The following CSE1L variants were observed in gnomAD, a reference collection of about 807,000 sequenced individuals.
The protein encoded by CSE1L is exportin-2.
Under a neutral mutation model 120.4 loss-of-function variants are expected in CSE1L, and 24 were observed. The ratio of observed to expected loss-of-function variants is 0.20; its 90% CI spans 0.14 to 0.28. The LOEUF (loss-of-function observed/expected upper bound fraction) is 0.28, where lower values mean the gene tolerates loss of function less well. Among genes scored for constraint, CSE1L ranks in the 10% least tolerant of loss-of-function variants. The pLI is 1.00. For missense variants in CSE1L, 830 were observed against 1,145.2 expected (o/e 0.72, Z 3.97); for synonymous variants, 402 against 398.3 (o/e 1.01, Z -0.11).
chr20:49,068,030 C>T (rs1378104380), intron 6 of CSE1L, among the ~76,000 whole-genome samples: 1 of 143,134 alleles, frequency 7.0e-6, no homozygotes, highest in Non-Finnish European at 1.5e-5. Flanking sequence ...ACTGGGATTA[C>T]AGCCTGTGCC....
intron 3 of CSE1L, among the ~76,000 whole-genome samples, chr20:49,064,246 T>C (rs773826768): frequency 1.1e-4 from 16 of 152,274 alleles, no homozygotes; most frequent in East Asian, 1.9e-4. Flanking sequence ...ATAGCAGTTA[T>C]GATGTTACAA....
At chr20:49,055,073 A>AT (rs1027951324) in intron 1 of CSE1L, among the ~76,000 whole-genome samples, 2 of 152,052 alleles carry the variant, frequency 1.3e-5, no homozygotes, top group African/African-American at 2.4e-5. Context: ...AGAATTTGGG[A>AT]TTTTTTTTGG....
chr20:49,071,982 A>AAAG (rs1383582745), intron 8 of CSE1L, among the ~76,000 whole-genome samples: 1 of 151,440 alleles, frequency 6.6e-6, no homozygotes, highest in African/African-American at 2.4e-5. Flanking sequence ...AAAAAAAAAA[A>AAAG]AAACCACTCC....
At chr20:49,070,330 T>C in intron 8 of CSE1L, 33 bp downstream of exon 8, 1 of 1,013,394 alleles carries the variant, frequency 9.9e-7, no homozygotes, top group Non-Finnish European at 1.5e-6. Flanking sequence ...GAGTGGTCTT[T>C]TTCTTTCATT....
intron 6 of CSE1L, among the ~76,000 whole-genome samples, chr20:49,068,258 T>C (rs1017895978): frequency 1.3e-5 from 2 of 152,112 alleles, no homozygotes; most frequent in Non-Finnish European, 2.9e-5. Context: ...ATACATACTT[T>C]AACCTATTTT....
At chr20:49,095,642 AT>A (rs2092133735) in intron 24 of CSE1L, among the ~76,000 whole-genome samples, 1 of 152,012 alleles carries the variant, frequency 6.6e-6, no homozygotes, top group African/African-American at 2.4e-5. Context: ...ATACTCAGAA[AT>A]TAATAGATCA....
chr20:49,084,487 A>G (rs2075677), intron 15 of CSE1L, among the ~76,000 whole-genome samples: 32,803 of 152,084 alleles, frequency 0.22, 3,667 homozygotes, highest in Non-Finnish European at 0.24. Flanking sequence ...AAAGAGGGAA[A>G]CTTGGGAAGT....
chr20:49,083,267 C>A (rs1442416255), intron 14 of CSE1L, among the ~76,000 whole-genome samples: 1 of 152,178 alleles, frequency 6.6e-6, no homozygotes, highest in Non-Finnish European at 1.5e-5. Flanking sequence ...GATCTACCCA[C>A]CTCGGCCTCC....
In CSE1L at chr20:49,058,469, A is replaced by C. The variant is rs752585427; in HGVS notation, c.6A>C (p.Glu2Asp). Residue 2 changes from glutamate (E) to aspartate (D), a missense_variant, in exon 2 of 25, where the codon GAA (glutamate) becomes GAC (aspartate). Physicochemically the swap from Glu to Asp is conservative, Grantham distance 45. Coordinates refer to ENST00000262982, the MANE Select transcript of CSE1L (RefSeq NM_001316.4). The part of the protein sequence containing the change: M[E>D]LSDANLQTLT... ...ATATTTTAGATCCTATAGCAATGGA[A>C]CTCAGCGATGCAAATCTGCAAACAC... The C allele has an allele frequency of 1.9e-6, 3 of 1,612,496 alleles. No homozygotes were observed. The South Asian group carries it at 3.3e-5, about 18-fold the overall frequency.
intron 5 of CSE1L, among the ~76,000 whole-genome samples, 150 bp from the exon 6 acceptor site, chr20:49,067,031 CAAAAAAAAA>C (rs60161542): frequency 1.6e-4 from 16 of 100,802 alleles, no homozygotes; most frequent in Middle Eastern, 7.9e-3. Context: ...GACTCCGTCT[CAAAAAAAAA>C]AAAAAAAAAA....
chr20:49,094,075 T>A, intron 22 of CSE1L, 65 bp from the exon 23 acceptor site: 2 of 1,009,594 alleles, frequency 2.0e-6, no homozygotes, highest in South Asian at 3.3e-5. Context: ...AACTAACATC[T>A]AAGCATTTTA....
intron 19 of CSE1L, among the ~76,000 whole-genome samples, chr20:49,090,389 C>T (rs1261644873): frequency 6.6e-6 from 1 of 152,238 alleles, no homozygotes; most frequent in South Asian, 2.1e-4. Flanking sequence ...GAAACCCCGT[C>T]TCTACTAAAA....
At chr20:49,067,102 G>A in intron 5 of CSE1L, 88 bp from the exon 6 acceptor site, 1 of 501,890 alleles carries the variant, frequency 2.0e-6, no homozygotes, top group Non-Finnish European at 3.6e-6. Flanking sequence ...TCTATTCATA[G>A]ATGTCCAATC....
chr20:49,092,642 G>C (rs1264920514), intron 22 of CSE1L, among the ~76,000 whole-genome samples: 3 of 151,818 alleles, frequency 2.0e-5, no homozygotes, highest in Non-Finnish European at 4.4e-5. Flanking sequence ...TCACACTCTG[G>C]GGCCTGTCGT....
At position 49,077,075 on chromosome 20, in the gene CSE1L, A is replaced by G. The variant is rs1476938388; in HGVS notation, c.1420+11A>G. On this transcript the variant is annotated intron_variant, in intron 13 of 24. Coordinates refer to ENST00000262982, the MANE Select transcript of CSE1L (RefSeq NM_001316.4). The stretch of plus-strand genomic sequence containing the variant: ...TAAAATCAGCTAATGGTGAGTTGTG[A>G]AATTCTTGCTTTTTTTACAGCTTGC... The G allele has an allele frequency of 1.6e-5, 25 of 1,581,686 alleles. No individual in the cohort carries two copies. The highest frequency in any genetic ancestry group is 2.0e-5 in the Non-Finnish European group (23 of 1,160,294).
At chr20:49,065,780 GAC>G in intron 3 of CSE1L, among the ~76,000 whole-genome samples, 1 of 151,464 alleles carries the variant, frequency 6.6e-6, no homozygotes, top group Non-Finnish European at 1.5e-5. Context: ...GTTTAGTAGA[GAC>G]ATGGTTTCAC....
intron 3 of CSE1L, 119 bp downstream of exon 3, chr20:49,063,463 G>A (rs2091868023): frequency 1.9e-6 from 1 of 526,836 alleles, no homozygotes; most frequent in Non-Finnish European, 3.1e-6. Context: ...GGCTGAGGCG[G>A]AAGGATCACT....
chr20:49,066,336 C>G (rs2091892244), intron 4 of CSE1L, 29 bp from the exon 5 acceptor site: 1 of 1,614,150 alleles, frequency 6.2e-7, no homozygotes, highest in Non-Finnish European at 8.5e-7. Context: ...CTGTAAAGCT[C>G]TGATCTAATT....
intron 3 of CSE1L, among the ~76,000 whole-genome samples, chr20:49,063,648 T>C (rs1337319403): frequency 6.6e-6 from 1 of 152,228 alleles, no homozygotes; most frequent in African/African-American, 2.4e-5. Flanking sequence ...TATATAAATT[T>C]GTCCAGCTTC....
Sources: gnomAD v4.1 joint callset for allele counts (sites outside exome capture counted in the v4.1 genomes callset) on GRCh38, gnomAD v4.1.1 for gene constraint, MANE v1.5 for transcripts, NCBI Gene and HGNC (gene_info 2026-07-23, HGNC 2026-07-21) for gene names.